THSD4: variants seen among roughly 807,000 people sequenced by gnomAD.
The protein encoded by THSD4 is thrombospondin type-1 domain-containing protein 4.
A neutral mutation model predicts 119.0 loss-of-function variants in THSD4; 69 were observed. The ratio of observed to expected loss-of-function variants is 0.58; its 90% confidence interval spans 0.48 to 0.71. The LOEUF (loss-of-function observed/expected upper bound fraction) is 0.71. THSD4 is among the 30% of genes least tolerant of loss of function. The probability of loss-of-function intolerance (pLI) is 0.00; values close to 1 mark genes in which losing one functional copy is unlikely to be tolerated. For missense variants in THSD4, 1,393 were observed against 1,391.1 expected, an observed-to-expected ratio of 1.00 and a Z score of -0.02; for synonymous variants, 524 against 540.4, an observed-to-expected ratio of 0.97 and a Z score of 0.42.
chr15:71,502,070 C>T (rs1356394665), intron 7 of THSD4, among the ~76,000 whole-genome samples: 1 of 152,226 alleles, frequency 6.6e-6, no homozygotes, highest in Non-Finnish European at 1.5e-5. Context: ...ATCCACAATA[C>T]TGATCTCATA....
chr15:71,218,167 T>C (rs551841772), intron 4 of THSD4, among the ~76,000 whole-genome samples: 97 of 152,296 alleles, frequency 6.4e-4, no homozygotes, highest in African/African-American at 2.2e-3. Context: ...AGAGTCAGGC[T>C]TGAAACCCAG....
At chr15:71,431,182 A>C (rs2046939230) in intron 7 of THSD4, among the ~76,000 whole-genome samples, 3 of 152,210 alleles carry the variant, frequency 2.0e-5, no homozygotes, top group South Asian at 4.1e-4. Context: ...ACAAAACAAA[A>C]AGAATCAGTA....
chr15:71,351,806 G>C (rs546599715), intron 6 of THSD4, among the ~76,000 whole-genome samples: 2 of 152,090 alleles, frequency 1.3e-5, no homozygotes, highest in Admixed American at 1.3e-4. Context: ...CTCCCAACTT[G>C]GTCCATGCCT....
chr15:71,195,626 G>A (rs1318278495), intron 3 of THSD4, among the ~76,000 whole-genome samples: 7 of 152,194 alleles, frequency 4.6e-5, no homozygotes, highest in African/African-American at 1.7e-4. Context: ...GGTTAGGCGA[G>A]ATAGACTTTA....
At chr15:71,538,164 C>A (rs2048711762) in intron 7 of THSD4, among the ~76,000 whole-genome samples, 1 of 152,044 alleles carries the variant, frequency 6.6e-6, no homozygotes, top group Non-Finnish European at 1.5e-5. Context: ...TTCATTATAG[C>A]TCTGCTTAAA....
chr15:71,130,701 A>T (rs779698231), intron 1 of THSD4, among the ~76,000 whole-genome samples: 2 of 152,218 alleles, frequency 1.3e-5, no homozygotes, highest in African/African-American at 2.4e-5. Context: ...ATGTTTAAAA[A>T]GCATTCAGCA....
chr15:71,531,314 A>C (rs2048606660), intron 7 of THSD4, among the ~76,000 whole-genome samples: 1 of 152,194 alleles, frequency 6.6e-6, no homozygotes. Context: ...TCTTGTTTTA[A>C]AATATCATTC....
chr15:71,616,336 A>C (rs564410505), intron 7 of THSD4, among the ~76,000 whole-genome samples: 1 of 152,340 alleles, frequency 6.6e-6, no homozygotes, highest in South Asian at 2.1e-4. Flanking sequence ...GGTTCTGAGC[A>C]TAATCCTCTT....
At chr15:71,576,473 G>A (rs111591941) in intron 7 of THSD4, among the ~76,000 whole-genome samples, 21 of 152,040 alleles carry the variant, frequency 1.4e-4, no homozygotes, top group Admixed American at 3.3e-4. Flanking sequence ...CCCTCTACAC[G>A]TCACCTCCAG....
Position 71,572,706 on chromosome 15 carries a change from T to C in THSD4, c.1153-87824T>C, listed in dbSNP as rs569075971. 6.8e-4 allele frequency among the ~76,000 whole-genome samples: 104 copies of C among 152,096 alleles called. 1 individual carries two copies. The highest frequency in any genetic ancestry group is 6.7e-3 in the South Asian group (32 of 4,808). On this transcript the variant is annotated intron_variant, in intron 7 of 17. Transcript: ENST00000261862. ...TTCAGCATAATCTTAGGATTCTGTG[T>C]GTTTTATTTTCCAAGTCGGAAAGTA... is the stretch of plus-strand genomic sequence containing the variant.
At position 71,103,626 on chromosome 15, in the gene THSD4, A is replaced by T. The variant is rs2040262320; in HGVS notation, c.-80+6620A>T. Among the ~76,000 whole-genome samples, 4 of 151,574 alleles carry T rather than the reference A, an allele frequency of 2.6e-5. No individual in the cohort carries two copies. In the South Asian group the frequency reaches 8.3e-4, roughly 32 times the overall value. On this transcript the variant is annotated intron_variant, in intron 1 of 17. Coordinates refer to the THSD4 transcript ENST00000355327. Reference sequence around the variant, plus strand: ...AAAAAGGAAGAAAGATTTGCCACACACTCTTGTGAACACTGCTCCTCCAGT... The same window carrying T: ...AAAAAGGAAGAAAGATTTGCCACACTCTCTTGTGAACACTGCTCCTCCAGT...
chr15:71,742,491 C>A (rs905211133), intron 11 of THSD4, among the ~76,000 whole-genome samples: 3 of 152,218 alleles, frequency 2.0e-5, no homozygotes, highest in Non-Finnish European at 2.9e-5. Flanking sequence ...TGCTAATTAC[C>A]TGTGTACAGT....
At chr15:71,286,092 T>C (rs935318345) in intron 6 of THSD4, among the ~76,000 whole-genome samples, 1 of 152,124 alleles carries the variant, frequency 6.6e-6, no homozygotes, top group Admixed American at 6.5e-5. Flanking sequence ...TTACTCTAAG[T>C]TGGGTTTGGG....
Position 71,277,128 on chromosome 15 carries a change from C to CTTTTTTTTTTTTTTTTTTTTTTTTTT in THSD4, c.1015+20427_1015+20428insTTTTTTTTTTTTTTTTTTTTTTTTTT, listed in dbSNP as rs779207517. ...TATTTGTATTTGAATTCTTCTTCTT[C>CTTTTTTTTTTTTTTTTTTTTTTTTTT]TTTTTTTTTTTTTTGAAACGGAGTT... On this transcript the variant is annotated intron_variant, in intron 6 of 17. Coordinates refer to ENST00000261862, the MANE Select transcript of THSD4 (RefSeq NM_024817.3). Among the ~76,000 whole-genome samples, 8 of 123,002 alleles carry CTTTTTTTTTTTTTTTTTTTTTTTTTT rather than the reference C, an allele frequency of 6.5e-5. 1 individual carries two copies. Among genetic ancestry groups the CTTTTTTTTTTTTTTTTTTTTTTTTTT allele is most frequent in the Middle Eastern group, 4.0e-3 (1 of 252 alleles). The allele number at this position is 123,002 out of a possible 152,430, so 80.7% of individuals were successfully genotyped here.
intron 7 of THSD4, among the ~76,000 whole-genome samples, chr15:71,469,315 A>G (rs1349187613): frequency 6.6e-6 from 1 of 152,208 alleles, no homozygotes; most frequent in African/African-American, 2.4e-5. Flanking sequence ...CTCAGATTGC[A>G]CACAGGACTG....
chr15:71,359,189 T>G (rs2045860960), intron 6 of THSD4, among the ~76,000 whole-genome samples: 1 of 152,166 alleles, frequency 6.6e-6, no homozygotes, highest in Admixed American at 6.5e-5. Context: ...CCCAGGACAG[T>G]GTGAGGAGGC....
intron 1 of THSD4, among the ~76,000 whole-genome samples, chr15:71,104,707 G>A (rs955308115): frequency 9.9e-5 from 15 of 152,148 alleles, no homozygotes; most frequent in African/African-American, 3.6e-4. Context: ...ACACTGGTTC[G>A]GCCCGAAAAG....
At chr15:71,156,463 G>C (rs572806708) in intron 3 of THSD4, among the ~76,000 whole-genome samples, 1 of 152,136 alleles carries the variant, frequency 6.6e-6, no homozygotes, top group East Asian at 1.9e-4. Flanking sequence ...GTTTCACCAT[G>C]TTGGCCAGGC....
intron 6 of THSD4, among the ~76,000 whole-genome samples, chr15:71,320,052 A>G (rs1007886441): frequency 3.9e-5 from 6 of 152,188 alleles, no homozygotes; most frequent in African/African-American, 1.4e-4. Context: ...TCTTGAAAAT[A>G]TGCTTGGGGA....
Sources: allele counts gnomAD v4.1 joint callset (sites outside exome capture counted in the v4.1 genomes callset), GRCh38; gene constraint gnomAD v4.1.1; transcripts MANE v1.5; gene names NCBI Gene and HGNC (gene_info 2026-07-23, HGNC 2026-07-21).